ATP2B4: variants seen among roughly 807,000 people sequenced by gnomAD.
ATP2B4 encodes plasma membrane calcium-transporting ATPase 4.
A neutral mutation model predicts 110.3 loss-of-function variants in ATP2B4; 39 were observed. The ratio of observed to expected loss-of-function variants is 0.35; its 90% confidence interval spans 0.27 to 0.46. The LOEUF (loss-of-function observed/expected upper bound fraction) is 0.46, where lower values mean the gene tolerates loss of function less well. Among genes scored for constraint, ATP2B4 ranks in the 20% least tolerant of loss-of-function variants. The probability of loss-of-function intolerance (pLI) is 1.00; values close to 1 mark genes in which losing one functional copy is unlikely to be tolerated. For missense variants in ATP2B4, 1,135 were observed against 1,530.9 expected (o/e 0.74, Z 4.32); for synonymous variants, 538 against 571.7 (o/e 0.94, Z 0.84).
chr1:203,707,776 G>A (rs1571746538), intron 9 of ATP2B4, 86 bp from the exon 10 acceptor site: 2 of 1,535,400 alleles, frequency 1.3e-6, no homozygotes, highest in Non-Finnish European at 1.8e-6. Context: ...AATGTGGAGA[G>A]ATGTTGGCTA....
intron 2 of ATP2B4, among the ~76,000 whole-genome samples, chr1:203,689,551 G>A (rs1408331343): frequency 1.3e-5 from 2 of 152,174 alleles, no homozygotes; most frequent in African/African-American, 4.8e-5. Flanking sequence ...GATTGTTGGT[G>A]GAACTTTCTG....
chr1:203,681,471 C>T (rs932724799), intron 1 of ATP2B4, among the ~76,000 whole-genome samples: 1 of 152,134 alleles, frequency 6.6e-6, no homozygotes, highest in Non-Finnish European at 1.5e-5. Flanking sequence ...TAACTGAAGT[C>T]GTCAGTGGGG....
At chr1:203,719,690 G>A (rs1328585589) in intron 15 of ATP2B4, among the ~76,000 whole-genome samples, 1 of 150,896 alleles carries the variant, frequency 6.6e-6, no homozygotes, top group South Asian at 2.1e-4. Context: ...TGTCCAGCCT[G>A]GGCAACAGAG....
chr1:203,728,047 A>G, intron 20 of ATP2B4: 2 of 357,984 alleles, frequency 5.6e-6, no homozygotes, highest in Non-Finnish European at 1.1e-5. Flanking sequence ...GTCTTTGTAA[A>G]AGAAACTCAC....
chr1:203,668,176 C>T lies in ATP2B4; in HGVS notation c.-464-14566C>T, dbSNP rs544408875. 9.9e-5 allele frequency among the ~76,000 whole-genome samples: 15 copies of T among 152,216 alleles called. No individual in the cohort carries two copies. The East Asian group carries it at 1.7e-3, about 18-fold the overall frequency. The stretch of plus-strand genomic sequence containing the variant: ...CATGCTCTGTAGGCTCAGAGTGGAA[C>T]GGAGGTGGAACAGTGGAGCCATCTT... On this transcript the variant is annotated intron_variant, in intron 1 of 20. Transcript: ENST00000357681.
intron 15 of ATP2B4, among the ~76,000 whole-genome samples, chr1:203,718,634 G>A (rs1666228674): frequency 6.6e-6 from 1 of 152,056 alleles, no homozygotes; most frequent in Admixed American, 6.6e-5. Context: ...TTTTATGTTT[G>A]TATCCCTTAA....
rs566589733 is a variant in ATP2B4, at chr1:203,733,184, C to T, written c.3309+5613C>T. 22 of 1,579,886 alleles carry T rather than the reference C, an allele frequency of 1.4e-5. No individual in the cohort carries two copies. The South Asian group carries it at 2.5e-4, about 18-fold the overall frequency. ...TCTTTCTTCACCTCTCTCGGACTGACTGTGGAGCAAAGCTGTCTCACTCTC... is the reference window on the plus strand; with the variant it reads ...TCTTTCTTCACCTCTCTCGGACTGATTGTGGAGCAAAGCTGTCTCACTCTC... On this transcript the variant is annotated intron_variant, in intron 20 of 20. Coordinates refer to ENST00000357681, the MANE Select transcript of ATP2B4 (RefSeq NM_001684.5).
At chr1:203,701,687 G>A (rs537363618) in intron 6 of ATP2B4, among the ~76,000 whole-genome samples, 1 of 152,186 alleles carries the variant, frequency 6.6e-6, no homozygotes, top group East Asian at 1.9e-4. Flanking sequence ...GAAGTAACAC[G>A]GAGACACCTT....
At chr1:203,681,399 GAAGT>G (rs900795642) in intron 1 of ATP2B4, among the ~76,000 whole-genome samples, 1 of 152,180 alleles carries the variant, frequency 6.6e-6, no homozygotes, top group African/African-American at 2.4e-5. Flanking sequence ...TCACCTTCTA[GAAGT>G]AAGTGTGGCA....
chr1:203,721,417 C>T lies in ATP2B4; in HGVS notation c.2812+7C>T. The T allele has an allele frequency of 6.2e-7, 1 of 1,613,422 alleles. No individual in the cohort carries two copies. Among genetic ancestry groups the T allele is most frequent in the East Asian group, 2.2e-5 (1 of 44,852 alleles). On this transcript the variant is annotated splice_region_variant and intron_variant, in intron 17 of 20. Transcript: ENST00000357681. ...TTTATCCTTGTCTTTGCGGGTGAGC[C>T]ACTTTGGGGGTGGGTAGCAGCTGGG...
Position 203,731,188 on chromosome 1 carries a change from C to T in ATP2B4, c.3309+3617C>T, listed in dbSNP as rs1666698416. 2.0e-5 allele frequency among the ~76,000 whole-genome samples: 3 copies of T among 152,180 alleles called. No individual in the cohort carries two copies. In the South Asian group the frequency reaches 6.2e-4, roughly 32 times the overall value. The stretch of plus-strand genomic sequence containing the variant: ...CCTGCAGGTTCAAGCTCCTCAGTCC[C>T]AGGGAACTAAAACTGAATAATGTGA... On this transcript the variant is annotated intron_variant, in intron 20 of 20. Transcript: ENST00000357681.
At position 203,711,949 on chromosome 1, in the gene ATP2B4, ACTCTC is replaced by A; in HGVS notation, c.2032-9_2032-5del. 6.2e-7 allele frequency: 1 copy of A among 1,612,570 alleles called. No homozygotes were observed. Among genetic ancestry groups the A allele is most frequent in the Non-Finnish European group, 8.5e-7 (1 of 1,179,176 alleles). ...TCATCTGCGCCTTTCCCCTTTCTTC[ACTCTC>A]CATAGGTGCCAGATGCTATTGCCAA... On this transcript the variant is annotated splice_region_variant and splice_polypyrimidine_tract_variant and intron_variant, in intron 12 of 20. Transcript: ENST00000357681.
chr1:203,732,846 C>T (rs1024036954), intron 20 of ATP2B4, among the ~76,000 whole-genome samples: 3 of 150,238 alleles, frequency 2.0e-5, no homozygotes, highest in South Asian at 2.1e-4. Flanking sequence ...GTAAAAACAA[C>T]GAACAATCGC....
intron 1 of ATP2B4, among the ~76,000 whole-genome samples, chr1:203,655,632 C>G (rs1189171176): frequency 6.6e-6 from 1 of 151,496 alleles, no homozygotes; most frequent in Non-Finnish European, 1.5e-5. Context: ...GGCAACATAG[C>G]AAGACTCCAT....
intron 1 of ATP2B4, among the ~76,000 whole-genome samples, chr1:203,662,900 C>G (rs548759288): frequency 1.3e-5 from 2 of 152,300 alleles, no homozygotes; most frequent in South Asian, 4.1e-4. Context: ...CCAGAGGTCT[C>G]TTTTCTCGAC....
chr1:203,719,464 C>T (rs916668552), intron 15 of ATP2B4, among the ~76,000 whole-genome samples: 6 of 151,952 alleles, frequency 3.9e-5, no homozygotes, highest in South Asian at 4.1e-4. Context: ...AATCCCAGCA[C>T]TTTGGGAGGC....
intron 20 of ATP2B4, among the ~76,000 whole-genome samples, chr1:203,731,855 A>AAG (rs1368930165): frequency 4.8e-5 from 7 of 146,524 alleles, no homozygotes; most frequent in Non-Finnish European, 9.0e-5. Flanking sequence ...GTCTCAAAAA[A>AAG]AAAAAAAAAA....
chr1:203,678,113 C>G (rs1285719090), intron 1 of ATP2B4, among the ~76,000 whole-genome samples: 1 of 152,204 alleles, frequency 6.6e-6, no homozygotes, highest in Non-Finnish European at 1.5e-5. Context: ...TTTCCTTTCT[C>G]CCATTTTTAT....
At chr1:203,734,211 G>A in intron 20 of ATP2B4, among the ~76,000 whole-genome samples, 1 of 151,786 alleles carries the variant, frequency 6.6e-6, no homozygotes, top group Admixed American at 6.6e-5. Flanking sequence ...GCTAAGACAG[G>A]AGAATCACTT....
Sources: gnomAD v4.1 joint callset for allele counts (sites outside exome capture counted in the v4.1 genomes callset) on GRCh38, gnomAD v4.1.1 for gene constraint, MANE v1.5 for transcripts, NCBI Gene and HGNC (gene_info 2026-07-23, HGNC 2026-07-21) for gene names.